AGBL4: variants seen among roughly 807,000 people sequenced by gnomAD.
AGBL4 encodes the protein AGBL carboxypeptidase 4, also known as cytosolic carboxypeptidase 6.
AGBL4 carries 58 observed loss-of-function variants against 66.4 expected under a neutral mutation model. The observed-to-expected ratio is 0.87, with a 90% confidence interval of 0.71 to 1.09. The LOEUF (loss-of-function observed/expected upper bound fraction) is 1.09. AGBL4 is among the 50% of genes least tolerant of loss of function. The pLI, the probability that AGBL4 is intolerant of heterozygous loss-of-function variation, is 0.00. For synonymous variants in AGBL4, 234 were observed against 222.9 expected (o/e 1.05, Z -0.44); for missense variants, 579 against 631.0 (o/e 0.92, Z 0.88).
At chr1:49,928,485 G>A (rs919471000) in intron 1 of AGBL4, among the ~76,000 whole-genome samples, 6 of 152,006 alleles carry the variant, frequency 3.9e-5, no homozygotes, top group African/African-American at 9.7e-5. Flanking sequence ...TCTTGACCTC[G>A]TGATCCACCC....
At chr1:49,203,076 G>C (rs1194195136) in intron 4 of AGBL4, among the ~76,000 whole-genome samples, 1 of 128,224 alleles carries the variant, frequency 7.8e-6, no homozygotes, top group African/African-American at 2.9e-5. Flanking sequence ...CACCCACTAG[G>C]ATGGCTACTA....
intron 11 of AGBL4, among the ~76,000 whole-genome samples, chr1:48,552,679 G>A (rs1391375241): frequency 6.6e-6 from 1 of 152,134 alleles, no homozygotes; most frequent in Non-Finnish European, 1.5e-5. Flanking sequence ...AACACTCCCT[G>A]GGGCAAACAC....
intron 1 of AGBL4, among the ~76,000 whole-genome samples, chr1:49,929,654 T>C (rs1266983156): frequency 6.6e-6 from 1 of 151,574 alleles, no homozygotes; most frequent in Non-Finnish European, 1.5e-5. Flanking sequence ...AATGATAAAG[T>C]TTCAAGCAGA....
chr1:48,653,567 A>T, intron 7 of AGBL4, 116 bp from the exon 8 acceptor site: 1 of 704,538 alleles, frequency 1.4e-6, no homozygotes, highest in South Asian at 1.8e-5. Flanking sequence ...CTGTGTTGTT[A>T]TTGGCCACTG....
intron 5 of AGBL4, among the ~76,000 whole-genome samples, chr1:48,990,645 T>C (rs1660533451): frequency 6.6e-6 from 1 of 152,054 alleles, no homozygotes; most frequent in Admixed American, 6.6e-5. Flanking sequence ...TGCTGTCTGC[T>C]TGTTTTGTGG....
chr1:50,013,714 A>T (rs1245397128), intron 1 of AGBL4, among the ~76,000 whole-genome samples: 1 of 152,218 alleles, frequency 6.6e-6, no homozygotes, highest in Non-Finnish European at 1.5e-5. Context: ...TATGTTTATG[A>T]CACAGGGTCT....
chr1:49,412,277 C>T (rs1645332078), intron 3 of AGBL4, among the ~76,000 whole-genome samples: 1 of 152,078 alleles, frequency 6.6e-6, no homozygotes, highest in Non-Finnish European at 1.5e-5. Flanking sequence ...AGTGAAGGTT[C>T]TTGTCCAGGC....
At chr1:48,591,093 C>CACCG in intron 9 of AGBL4, 108 bp from the exon 10 acceptor site, 1 of 737,970 alleles carries the variant, frequency 1.4e-6, no homozygotes, top group Non-Finnish European at 2.0e-6. Context: ...CCCACCCACC[C>CACCG]CCCCCCACAC....
rs555056397 is a variant in AGBL4 at position 48,606,340 on chromosome 1, C to G, written c.952-15355G>C. Among the ~76,000 whole-genome samples, 3 of 152,080 alleles carry G rather than the reference C, an allele frequency of 2.0e-5. No individual in the cohort carries two copies. In the South Asian group the frequency reaches 6.2e-4, roughly 31 times the overall value. ...TTCTTTGTAAAAATGGATTTGTTTA[C>G]AGAGAACTAAAATTCCTGTCTCTTA... On this transcript the variant is annotated intron_variant, in intron 9 of 13. Coordinates refer to ENST00000371839, the MANE Select transcript of AGBL4 (RefSeq NM_032785.4).
intron 3 of AGBL4, among the ~76,000 whole-genome samples, chr1:49,456,333 G>A (rs1057438733): frequency 2.6e-5 from 4 of 151,666 alleles, no homozygotes; most frequent in Admixed American, 1.3e-4. Context: ...CATTTGATCA[G>A]GATTTTAGAC....
chr1:48,751,427 C>T (rs1570502585), intron 6 of AGBL4, among the ~76,000 whole-genome samples: 2 of 152,180 alleles, frequency 1.3e-5, no homozygotes, highest in East Asian at 3.9e-4. Context: ...TGACGCATGG[C>T]AAAGCAAGAG....
intron 5 of AGBL4, among the ~76,000 whole-genome samples, chr1:48,947,886 G>T (rs928550511): frequency 6.6e-6 from 1 of 150,756 alleles, no homozygotes; most frequent in African/African-American, 2.5e-5. Flanking sequence ...CTAAATACAG[G>T]TTTTTTGTTT....
In AGBL4 at chr1:49,752,117, C is replaced by G. The variant is rs1048774155; in HGVS notation, c.158-54680G>C. 2.6e-5 allele frequency among the ~76,000 whole-genome samples: 4 copies of G among 152,020 alleles called. No homozygotes were observed. The East Asian group carries it at 5.8e-4, about 22-fold the overall frequency. On this transcript the variant is annotated intron_variant, in intron 2 of 13. Transcript: ENST00000371839. ...TCAGTTATTTCTTGTCTTATGCTAGCTTTTGAATTTGTTTGCTCTTGATTC... is the reference window on the plus strand; with the variant it reads ...TCAGTTATTTCTTGTCTTATGCTAGGTTTTGAATTTGTTTGCTCTTGATTC...
At chr1:49,464,164 A>G (rs1201082103) in intron 3 of AGBL4, among the ~76,000 whole-genome samples, 1 of 151,764 alleles carries the variant, frequency 6.6e-6, no homozygotes, top group Non-Finnish European at 1.5e-5. Context: ...GGCAACTAAG[A>G]TAGCATAGAA....
intron 3 of AGBL4, among the ~76,000 whole-genome samples, chr1:49,566,739 G>A (rs1644215365): frequency 6.6e-6 from 1 of 152,084 alleles, no homozygotes; most frequent in Non-Finnish European, 1.5e-5. Flanking sequence ...AGGCTACTCG[G>A]GGGTTAGGGA....
intron 3 of AGBL4, among the ~76,000 whole-genome samples, chr1:49,509,953 A>G (rs1385667757): frequency 6.6e-6 from 1 of 152,056 alleles, no homozygotes; most frequent in Admixed American, 6.6e-5. Context: ...GAACTCTTGT[A>G]TCTCAATCTG....
chr1:49,704,340 ATTTAC>A (rs1182846969), intron 2 of AGBL4, among the ~76,000 whole-genome samples: 6 of 152,100 alleles, frequency 3.9e-5, no homozygotes, highest in African/African-American at 1.4e-4. Flanking sequence ...TTTATGAGCA[ATTTAC>A]TTTAACAAAG....
chr1:48,853,386 A>G (rs189099681), intron 6 of AGBL4, among the ~76,000 whole-genome samples: 13 of 152,304 alleles, frequency 8.5e-5, no homozygotes, highest in Admixed American at 3.9e-4. Flanking sequence ...GAGATAATAA[A>G]CATCTATTGA....
At chr1:49,369,598 T>G (rs1644301701) in intron 3 of AGBL4, among the ~76,000 whole-genome samples, 1 of 152,126 alleles carries the variant, frequency 6.6e-6, no homozygotes, top group African/African-American at 2.4e-5. Context: ...TCCTTCTGAG[T>G]TGAGAAGATA....
Sources: allele counts gnomAD v4.1 joint callset (sites outside exome capture counted in the v4.1 genomes callset), GRCh38; gene constraint gnomAD v4.1.1; transcripts MANE v1.5; gene names NCBI Gene and HGNC (gene_info 2026-07-23, HGNC 2026-07-21).